The following ZNF500 variants were observed in gnomAD, a reference collection of about 807,000 sequenced individuals.
ZNF500 encodes the protein zinc finger protein 500.
Under a neutral mutation model 30.1 loss-of-function variants are expected in ZNF500, and 31 were observed. The observed-to-expected ratio is 1.03, with a 90% CI of 0.77 to 1.39. The LOEUF is 1.39. Among genes scored for constraint, ZNF500 ranks in the 40% most tolerant of loss-of-function variants. The pLI, the probability that ZNF500 is intolerant of heterozygous loss-of-function variation, is 0.00. For synonymous variants in ZNF500, 392 were observed against 282.0 expected (o/e 1.39, Z -3.91); for missense variants, 817 against 657.8 (o/e 1.24, Z -2.65).
chr16:4,760,748 C>G (rs1284166996), intron 4 of ZNF500, among the ~76,000 whole-genome samples, 160 bp from the exon 5 acceptor site: 1 of 152,222 alleles, frequency 6.6e-6, no homozygotes, highest in African/African-American at 2.4e-5. Context: ...GTGGTGAGTC[C>G]TGGTGTCTCC....
downstream of ZNF500, chr16:4,747,736 C>A: frequency 7.4e-7 from 1 of 1,358,222 alleles, no homozygotes; most frequent in Non-Finnish European, 9.9e-7. Flanking sequence ...CAGGGGCATT[C>A]CAGAGGCAGG....
Position 4,766,045 on chromosome 16 carries a change from C to A in ZNF500, c.-67G>T, listed in dbSNP as rs2082262478. 3 of 1,487,702 alleles carry A rather than the reference C, an allele frequency of 2.0e-6. No individual in the cohort carries two copies. The Admixed American group carries it at 6.9e-5, about 34-fold the overall frequency. The allele number at this position is 1,487,702 out of a possible 1,614,324, so 92.2% of individuals were successfully genotyped here. ...AACCTGTCTCTCTCTATACCTCTGG[C>A]CAGACACAGGAAGAGAGTTTTTTTC... On this transcript the variant is annotated 5_prime_UTR_variant, in exon 2 of 6. Transcript: ENST00000219478.
At position 4,751,661 on chromosome 16, in the gene ZNF500, T is replaced by TA; in HGVS notation, c.*714dup. 2 of 1,533,470 alleles carry TA rather than the reference T, an allele frequency of 1.3e-6. No individual in the cohort carries two copies. Among genetic ancestry groups the TA allele is most frequent in the East Asian group, 4.9e-5 (2 of 40,888 alleles). The allele number at this position is 1,533,470 out of a possible 1,614,324, so 95.0% of individuals were successfully genotyped here. A position where few individuals can be genotyped will look rare whatever the true frequency, so the allele number is the denominator to read the frequency against. On this transcript the variant is annotated 3_prime_UTR_variant, in exon 6 of 6. Coordinates refer to ENST00000219478, the MANE Select transcript of ZNF500 (RefSeq NM_021646.4). ...GCACCCAGACCTCAGAATGTGACCT[T>TA]ATTTGGAAACACGGGTTTTGATGAT...
chr16:4,744,718 A>G (rs530201230), downstream of ZNF500: 5 of 949,536 alleles, frequency 5.3e-6, no homozygotes, highest in Non-Finnish European at 7.6e-6. Flanking sequence ...GAGTCCTCAG[A>G]GGGCTGAGTA....
chr16:4,752,484 G>A lies in ZNF500; in HGVS notation c.1335C>T (p.Gly445=). 6.5e-7 allele frequency: 1 copy of A among 1,547,772 alleles called. No homozygotes were observed. Among genetic ancestry groups the A allele is most frequent in the Non-Finnish European group, 8.7e-7 (1 of 1,151,530 alleles). ...TGTGCAGGTCGGTGCCCCGGCGGAA[G>A]CCCCGGCCACAGGCCGGGCAGGTGT... ...KPYTCPACGR[G]FRRGTDLHKH... The change falls in exon 6 of 6, where the codon GGC becomes GGT. Residue 445 remains glycine (G), a synonymous_variant. Coordinates refer to ENST00000219478, the MANE Select transcript of ZNF500 (RefSeq NM_021646.4).
chr16:4,760,367 G>C (rs1485160998), intron 5 of ZNF500, 125 bp downstream of exon 5: 1 of 833,910 alleles, frequency 1.2e-6, no homozygotes, highest in Non-Finnish European at 1.9e-6. Context: ...CAGGGATACG[G>C]GTAGCCCTGT....
In ZNF500 at chr16:4,752,238, A is replaced by G; in HGVS notation, c.*138T>C. ...TTCCTCTGCGGCCTGGGCATCCCAAATGTCCCCTGCTGGCCTCATACTGGG... is the reference window on the plus strand; with the variant it reads ...TTCCTCTGCGGCCTGGGCATCCCAAGTGTCCCCTGCTGGCCTCATACTGGG... On this transcript the variant is annotated 3_prime_UTR_variant, in exon 6 of 6. Transcript: ENST00000219478. 1.4e-6 allele frequency: 2 copies of G among 1,423,216 alleles called. No homozygotes were observed. The highest frequency in any genetic ancestry group is 3.2e-5 in the South Asian group (2 of 62,196). 88.2% of individuals were successfully genotyped at this position (1,423,216 alleles called of 1,614,324 possible). A position where few individuals can be genotyped will look rare whatever the true frequency, so the allele number is the denominator to read the frequency against.
chr16:4,752,345 A>G lies in ZNF500; in HGVS notation c.*31T>C. On this transcript the variant is annotated 3_prime_UTR_variant, in exon 6 of 6. Transcript: ENST00000219478. Reference sequence around the variant, plus strand: ...CCTGAATTCTGTGCCCAGGGATGAGAGTCCTGGAAAGGGAGTTTCAGGCCT... The same window carrying G: ...CCTGAATTCTGTGCCCAGGGATGAGGGTCCTGGAAAGGGAGTTTCAGGCCT... 1 of 1,453,170 alleles carries G rather than the reference A, an allele frequency of 6.9e-7. No homozygotes were observed. The highest frequency in any genetic ancestry group is 1.4e-5 in the South Asian group (1 of 70,628). The allele number at this position is 1,453,170 out of a possible 1,614,324, so 90.0% of individuals were successfully genotyped here.
chr16:4,752,946 T>C lies in ZNF500; in HGVS notation c.873A>G (p.Pro291=). Residue 291 remains proline (P), a synonymous_variant, in exon 6 of 6, where the codon CCA becomes CCG. Coordinates refer to ENST00000219478, the MANE Select transcript of ZNF500 (RefSeq NM_021646.4). Reference sequence around the variant, plus strand: ...CCCTGACTGGGGCTGGCCTCTGACCTGGGAGCGGGTGGCCAGGCCCCTGGC... The same window carrying C: ...CCCTGACTGGGGCTGGCCTCTGACCCGGGAGCGGGTGGCCAGGCCCCTGGC... ...ARCQGPGHPL[P]GQRPAPVRGL... 2.5e-6 allele frequency: 4 copies of C among 1,611,148 alleles called. No individual in the cohort carries two copies. The highest frequency in any genetic ancestry group is 3.4e-6 in the Non-Finnish European group (4 of 1,178,676).
At chr16:4,745,011 G>C (rs902234737), downstream of ZNF500, 1 of 1,612,926 alleles carries the variant, frequency 6.2e-7, no homozygotes. Context: ...TCAGGAAGCA[G>C]GTGGGACTTG....
At chr16:4,747,330 C>A, downstream of ZNF500, 1 of 1,546,534 alleles carries the variant, frequency 6.5e-7, no homozygotes, top group South Asian at 1.2e-5. Context: ...AATTTGGTCT[C>A]ATTGTGTCAC....
intron 5 of ZNF500, 91 bp from the exon 6 acceptor site, chr16:4,753,149 C>T (rs1463624814): frequency 6.8e-7 from 1 of 1,462,866 alleles, no homozygotes; most frequent in African/African-American, 1.4e-5. Flanking sequence ...CACAGGGCTC[C>T]TAAGGTTCCC....
At chr16:4,746,685 G>T, downstream of ZNF500, 2 of 971,328 alleles carry the variant, frequency 2.1e-6, no homozygotes, top group Non-Finnish European at 3.0e-6. Context: ...TGCAGGGAGG[G>T]AAGAGGGGCA....
At chr16:4,758,933 G>C (rs1307855341) in intron 5 of ZNF500, among the ~76,000 whole-genome samples, 1 of 152,216 alleles carries the variant, frequency 6.6e-6, no homozygotes, top group Non-Finnish European at 1.5e-5. Context: ...AATCAGGCCA[G>C]GTGCGGTAGC....
At chr16:4,754,620 T>TGC (rs2082117628) in intron 5 of ZNF500, among the ~76,000 whole-genome samples, 1 of 149,782 alleles carries the variant, frequency 6.7e-6, no homozygotes, top group Non-Finnish European at 1.5e-5. Flanking sequence ...GCCAAGATCG[T>TGC]GCCACTGCAC....
At position 4,748,402 on chromosome 16, in the gene ZNF500, C is replaced by T. The variant is rs1041656025; in HGVS notation, c.*3974G>A. 2.0e-5 allele frequency: 3 copies of T among 152,058 alleles called. No homozygotes were observed. The highest frequency in any genetic ancestry group is 7.3e-5 in the African/African-American group (3 of 41,370). The allele number at this position is 152,058 out of a possible 1,614,324, so 9.4% of individuals were successfully genotyped here. On this transcript the variant is annotated 3_prime_UTR_variant, in exon 6 of 6. Coordinates refer to ENST00000219478, the MANE Select transcript of ZNF500 (RefSeq NM_021646.4). ...TAACGAGAATTTGCTTTCTCTTTCT[C>T]TTCTTTACCTAAGATAGAAAGGCAC...
downstream of ZNF500, chr16:4,745,145 C>A: frequency 8.7e-7 from 1 of 1,154,778 alleles, no homozygotes; most frequent in Non-Finnish European, 1.2e-6. Flanking sequence ...TCTGATCAGG[C>A]AGTCGCTCCA....
chr16:4,762,380 A>G, intron 3 of ZNF500, 45 bp from the exon 4 acceptor site: 1 of 1,567,036 alleles, frequency 6.4e-7, no homozygotes. Flanking sequence ...CTCACCCAGT[A>G]CTGCCCCTGC....
At chr16:4,762,127 C>A (rs2082208740) in intron 4 of ZNF500, 144 bp downstream of exon 4, 2 of 950,138 alleles carry the variant, frequency 2.1e-6, no homozygotes, top group Non-Finnish European at 3.3e-6. Context: ...AGGGTTGGGG[C>A]AAAGGGAGAA....
Sources: allele counts gnomAD v4.1 joint callset (sites outside exome capture counted in the v4.1 genomes callset), GRCh38; gene constraint gnomAD v4.1.1; transcripts MANE v1.5; gene names NCBI Gene and HGNC (gene_info 2026-07-23, HGNC 2026-07-21).